RFX3: variants seen among roughly 807,000 people sequenced by gnomAD.
RFX3 encodes regulatory factor X3.
A neutral mutation model predicts 98.6 loss-of-function variants in RFX3; 14 were observed. The ratio of observed to expected loss-of-function variants is 0.14; its 90% CI spans 0.09 to 0.22. The LOEUF (loss-of-function observed/expected upper bound fraction) is 0.22. Among genes scored for constraint, RFX3 ranks in the 10% least tolerant of loss-of-function variants. RFX3 has a pLI of 1.00. For synonymous variants in RFX3, 383 were observed against 328.4 expected, an observed-to-expected ratio of 1.17 and a Z score of -1.80; for missense variants, 639 against 926.9, an observed-to-expected ratio of 0.69 and a Z score of 4.03.
At chr9:3,366,976 A>T (rs1211003113) in intron 2 of RFX3, among the ~76,000 whole-genome samples, 1 of 151,974 alleles carries the variant, frequency 6.6e-6, no homozygotes, top group Non-Finnish European at 1.5e-5. Context: ...ACTCTACCTC[A>T]CTGGCTATGA....
chr9:3,503,031 A>G (rs757943990), intron 1 of RFX3, among the ~76,000 whole-genome samples: 1 of 152,228 alleles, frequency 6.6e-6, no homozygotes, highest in Non-Finnish European at 1.5e-5. Flanking sequence ...ATTGGTCACC[A>G]AAGTCTCTTA....
At chr9:3,248,707 C>T (rs549456501) in intron 14 of RFX3, among the ~76,000 whole-genome samples, 2 of 152,274 alleles carry the variant, frequency 1.3e-5, no homozygotes, top group African/African-American at 4.8e-5. Context: ...CAAGTACGTA[C>T]AGGGATTCCA....
chr9:3,306,161 T>G (rs895343508), intron 4 of RFX3, among the ~76,000 whole-genome samples: 3 of 152,044 alleles, frequency 2.0e-5, no homozygotes, highest in African/African-American at 4.8e-5. Context: ...GGCTCATTGA[T>G]CCAAAAGATT....
intron 10 of RFX3, 116 bp from the exon 11 acceptor site, chr9:3,270,641 T>G: frequency 2.0e-6 from 2 of 1,005,794 alleles, no homozygotes; most frequent in Non-Finnish European, 2.9e-6. Context: ...TATACCACCA[T>G]TGCACTGGTG....
At chr9:3,429,911 C>T (rs540767360) in intron 1 of RFX3, among the ~76,000 whole-genome samples, 1 of 152,164 alleles carries the variant, frequency 6.6e-6, no homozygotes, top group East Asian at 1.9e-4. Context: ...CAGTGGCTTC[C>T]AACCCACGGC....
At chr9:3,366,044 G>T (rs1563992071) in intron 2 of RFX3, among the ~76,000 whole-genome samples, 1 of 152,018 alleles carries the variant, frequency 6.6e-6, no homozygotes. Flanking sequence ...GTTAACAGAG[G>T]TTCCACCACC....
chr9:3,519,148 T>C (rs1206562736), intron 1 of RFX3, among the ~76,000 whole-genome samples: 1 of 152,208 alleles, frequency 6.6e-6, no homozygotes, highest in Admixed American at 6.5e-5. Flanking sequence ...TATTACATCA[T>C]TAGTTCTTAA....
chr9:3,243,391 A>G (rs995495998), intron 15 of RFX3, among the ~76,000 whole-genome samples: 1 of 151,558 alleles, frequency 6.6e-6, no homozygotes, highest in Non-Finnish European at 1.5e-5. Flanking sequence ...GTATTAATGT[A>G]GTAGCATACT....
rs768266715 is a variant in RFX3, at chr9:3,301,638, T to TA, written c.475-19dup. On this transcript the variant is annotated intron_variant, in intron 4 of 16. Transcript: ENST00000617270. ...ATTTCAATCTGATAATAGATGTCAT[T>TA]AAAAAAAGGGCTCAAGACAAGATAG... The TA allele has an allele frequency of 8.9e-6, 14 of 1,566,524 alleles. No homozygotes were observed. Among genetic ancestry groups the TA allele is most frequent in the South Asian group, 3.4e-5 (3 of 87,840 alleles).
intron 1 of RFX3, among the ~76,000 whole-genome samples, chr9:3,426,486 TA>T (rs1844044668): frequency 6.6e-6 from 1 of 152,100 alleles, no homozygotes; most frequent in African/African-American, 2.4e-5. Context: ...CATGGACTGT[TA>T]GGAAACAGAC....
intron 1 of RFX3, among the ~76,000 whole-genome samples, chr9:3,398,339 C>CA (rs35349999): frequency 0.022 from 3,047 of 140,430 alleles, 36 homozygotes; most frequent in African/African-American, 0.029. Context: ...AGACAGGAAA[C>CA]AAAAAAAAAA....
At chr9:3,343,451 C>T (rs180715786) in intron 3 of RFX3, among the ~76,000 whole-genome samples, 476 of 152,190 alleles carry the variant, frequency 3.1e-3, no homozygotes, top group East Asian at 5.8e-3. Context: ...TCTTTCCTAA[C>T]GTACATGGAA....
At chr9:3,521,365 A>G (rs1818692965) in intron 1 of RFX3, among the ~76,000 whole-genome samples, 1 of 152,160 alleles carries the variant, frequency 6.6e-6, no homozygotes, top group Non-Finnish European at 1.5e-5. Flanking sequence ...AAAACTGCCA[A>G]TTAAGATAGT....
At chr9:3,376,119 T>A (rs199649900) in intron 2 of RFX3, among the ~76,000 whole-genome samples, 1 of 152,114 alleles carries the variant, frequency 6.6e-6, no homozygotes, top group African/African-American at 2.4e-5. Context: ...AAATACGGAT[T>A]AAAACCACAA....
At chr9:3,225,601 TAATAA>T in intron 16 of RFX3, among the ~76,000 whole-genome samples, 1 of 152,320 alleles carries the variant, frequency 6.6e-6, no homozygotes, top group East Asian at 1.9e-4. Flanking sequence ...ATTTGTGTCA[TAATAA>T]AATAGTCACT....
chr9:3,414,325 T>C (rs1211409018), intron 1 of RFX3, among the ~76,000 whole-genome samples: 4 of 152,018 alleles, frequency 2.6e-5, no homozygotes, highest in African/African-American at 9.7e-5. Context: ...TCAACAGTTA[T>C]GAGAATGTCA....
intron 1 of RFX3, among the ~76,000 whole-genome samples, chr9:3,495,668 A>T (rs990591929): frequency 6.6e-6 from 1 of 152,054 alleles, no homozygotes; most frequent in African/African-American, 2.4e-5. Flanking sequence ...TAAAAGTATC[A>T]CTTTAGCCTG....
chr9:3,254,558 G>A (rs1821856271), intron 14 of RFX3, among the ~76,000 whole-genome samples: 1 of 149,378 alleles, frequency 6.7e-6, no homozygotes, highest in Non-Finnish European at 1.5e-5. Context: ...TTTTTTTTAA[G>A]ATGGAGTCTT....
intron 4 of RFX3, among the ~76,000 whole-genome samples, chr9:3,318,725 T>C (rs1024804325): frequency 5.3e-5 from 8 of 152,146 alleles, no homozygotes; most frequent in African/African-American, 1.4e-4. Context: ...AAAAATTAAG[T>C]TATTATGCTT....
Sources: allele counts gnomAD v4.1 joint callset (sites outside exome capture counted in the v4.1 genomes callset), GRCh38; gene constraint gnomAD v4.1.1; transcripts MANE v1.5; gene names NCBI Gene and HGNC (gene_info 2026-07-23, HGNC 2026-07-21).